CXCL13: variants seen among roughly 807,000 people sequenced by gnomAD.
CXCL13 encodes C-X-C motif chemokine 13.
In CXCL13, 7 loss-of-function variants were observed where a neutral mutation model predicts 12.2. That is an observed-to-expected ratio of 0.57 (90% CI 0.33 to 1.07). The LOEUF (loss-of-function observed/expected upper bound fraction) is 1.07. Among genes scored for constraint, CXCL13 ranks in the 50% least tolerant of loss-of-function variants. The pLI, the probability that CXCL13 is intolerant of heterozygous loss-of-function variation, is 0.04. For missense variants in CXCL13, 113 were observed against 127.4 expected (o/e 0.89, Z 0.55); for synonymous variants, 47 against 42.4 (o/e 1.11, Z -0.42).
At chr4:77,520,941 C>G (rs1435467135) in intron 1 of CXCL13, among the ~76,000 whole-genome samples, 1 of 152,094 alleles carries the variant, frequency 6.6e-6, no homozygotes, top group Non-Finnish European at 1.5e-5. Context: ...GTCGAATTTT[C>G]TTGAAGGCCT....
chr4:77,554,496 C>A (rs1725613733), intron 1 of CXCL13, among the ~76,000 whole-genome samples: 1 of 152,060 alleles, frequency 6.6e-6, no homozygotes, highest in South Asian at 2.1e-4. Context: ...CACAGTAATA[C>A]TTGGGAATTT....
At chr4:77,572,955 G>T (rs1468441929) in intron 1 of CXCL13, among the ~76,000 whole-genome samples, 2 of 151,332 alleles carry the variant, frequency 1.3e-5, no homozygotes, top group African/African-American at 4.9e-5. Flanking sequence ...GAAGCTGGAG[G>T]TCATTATCCT....
chr4:77,566,446 CT>C (rs1440817585), intron 1 of CXCL13, among the ~76,000 whole-genome samples: 4 of 152,136 alleles, frequency 2.6e-5, no homozygotes, highest in African/African-American at 4.8e-5. Context: ...CATTTCAGCT[CT>C]AAAACTGTTG....
upstream of CXCL13, among the ~76,000 whole-genome samples, chr4:77,603,326 A>G (rs978910934): frequency 6.6e-6 from 1 of 152,254 alleles, no homozygotes; most frequent in African/African-American, 2.4e-5. Flanking sequence ...AATATAAGTG[A>G]CTAGAATAAT....
At chr4:77,521,044 G>T (rs1470663722) in intron 1 of CXCL13, among the ~76,000 whole-genome samples, 1 of 152,148 alleles carries the variant, frequency 6.6e-6, no homozygotes, top group African/African-American at 2.4e-5. Flanking sequence ...TGTTGAACCA[G>T]CCTTGCATCC....
intron 1 of CXCL13, among the ~76,000 whole-genome samples, chr4:77,519,406 T>TGAGA: frequency 6.6e-6 from 1 of 152,180 alleles, no homozygotes; most frequent in African/African-American, 2.4e-5. Flanking sequence ...TTCGGCCATC[T>TGAGA]TGGCTCCTCC....
chr4:77,520,927 T>C (rs116136092), intron 1 of CXCL13, among the ~76,000 whole-genome samples: 10,990 of 152,140 alleles, frequency 0.072, 1,144 homozygotes, highest in African/African-American at 0.23. Flanking sequence ...TAAGAAAAAG[T>C]GCTGTCGAAT....
intron 1 of CXCL13, among the ~76,000 whole-genome samples, chr4:77,538,878 C>A (rs1725132786): frequency 6.6e-6 from 1 of 152,128 alleles, no homozygotes; most frequent in African/African-American, 2.4e-5. Context: ...GGGTCTGTAG[C>A]AACCTCAATT....
chr4:77,607,601 T>G lies in CXCL13; in HGVS notation c.65-102T>G. 3 of 1,164,960 alleles carry G rather than the reference T, an allele frequency of 2.6e-6. No homozygotes were observed. In the South Asian group the frequency reaches 4.8e-5, roughly 18 times the overall value. 72.2% of individuals were successfully genotyped at this position (1,164,960 alleles called of 1,614,324 possible). ...ATGGGTGGAAGCACTGACTTGAAAC[T>G]TTTAAGTCTTCAAATGCACGTTATG... On this transcript the variant is annotated intron_variant, in intron 1 of 3. Coordinates refer to ENST00000682537, the MANE Select transcript of CXCL13 (RefSeq NM_001371558.1).
chr4:77,559,745 AC>A lies in CXCL13; in HGVS notation c.-42-46075del, dbSNP rs1725757413. ...AGACCACCCTGGCTAACATTGTGAA[AC>A]CCCGTCTCTACTAAAAATACAAAAA... On this transcript the variant is annotated intron_variant, in intron 1 of 4. Coordinates refer to the CXCL13 transcript ENST00000286758. Among the ~76,000 whole-genome samples, 2 of 151,740 alleles carry A rather than the reference AC, an allele frequency of 1.3e-5. 1 individual carries two copies. The highest frequency in any genetic ancestry group is 4.2e-4 in the South Asian group (2 of 4,788).
chr4:77,556,724 A>T (rs2109810109), intron 1 of CXCL13, among the ~76,000 whole-genome samples: 1 of 152,308 alleles, frequency 6.6e-6, no homozygotes, highest in African/African-American at 2.4e-5. Context: ...AATCCAGAAT[A>T]TTAGGTCCAC....
chr4:77,559,940 A>G (rs1338742005), intron 1 of CXCL13, among the ~76,000 whole-genome samples: 2 of 150,236 alleles, frequency 1.3e-5, no homozygotes, highest in African/African-American at 2.5e-5. Context: ...AAAAAAAAAA[A>G]CCTGACGCTC....
At chr4:77,539,315 C>G (rs1204231635) in intron 1 of CXCL13, among the ~76,000 whole-genome samples, 1 of 152,124 alleles carries the variant, frequency 6.6e-6, no homozygotes, top group African/African-American at 2.4e-5. Flanking sequence ...TTAATAGAGA[C>G]AGGGGTTTGC....
At chr4:77,530,823 T>C (rs932838787) in intron 1 of CXCL13, among the ~76,000 whole-genome samples, 1 of 152,046 alleles carries the variant, frequency 6.6e-6, no homozygotes, top group African/African-American at 2.4e-5. Context: ...CTAGCTTTTG[T>C]ATGTGTTTGT....
rs371490018 is a variant in CXCL13 at position 77,547,313 on chromosome 4, T to G, written c.-43+35525T>G. Among the ~76,000 whole-genome samples, 18 of 152,358 alleles carry G rather than the reference T, an allele frequency of 1.2e-4. 1 individual carries two copies. The South Asian group carries it at 3.5e-3, about 30-fold the overall frequency. On this transcript the variant is annotated intron_variant, in intron 1 of 4. Coordinates refer to the CXCL13 transcript ENST00000286758. ...TAATTTTCTGTCTCATTGATCTGTC[T>G]AATGTTGACAGTGGGGTGTTTACAT...
At chr4:77,532,737 G>C (rs191233105) in intron 1 of CXCL13, among the ~76,000 whole-genome samples, 104 of 152,188 alleles carry the variant, frequency 6.8e-4, no homozygotes, top group African/African-American at 2.4e-3. Context: ...TGGATGCTTT[G>C]TTCATTTCTT....
chr4:77,583,944 T>C (rs1293327293), intron 1 of CXCL13, among the ~76,000 whole-genome samples: 1 of 152,202 alleles, frequency 6.6e-6, no homozygotes, highest in Non-Finnish European at 1.5e-5. Flanking sequence ...CATGGGACAC[T>C]CTTTCCCTCT....
chr4:77,610,384 C>T (rs1189239205), intron 2 of CXCL13, among the ~76,000 whole-genome samples: 2 of 152,096 alleles, frequency 1.3e-5, no homozygotes, highest in East Asian at 1.9e-4. Flanking sequence ...GTGAGGCCCT[C>T]GCAGCTTTGG....
At chr4:77,552,943 G>C (rs2109808013) in intron 1 of CXCL13, among the ~76,000 whole-genome samples, 1 of 152,322 alleles carries the variant, frequency 6.6e-6, no homozygotes, top group South Asian at 2.1e-4. Context: ...GCGTGGAGCA[G>C]AGAAGGCCCC....
Sources: allele counts gnomAD v4.1 joint callset (sites outside exome capture counted in the v4.1 genomes callset), GRCh38; gene constraint gnomAD v4.1.1; transcripts MANE v1.5; gene names NCBI Gene and HGNC (gene_info 2026-07-23, HGNC 2026-07-21).